The following ACSL6 variants were observed in gnomAD, a reference collection of about 807,000 sequenced individuals.
The protein encoded by ACSL6 is acyl-CoA synthetase long chain family member 6.
In ACSL6, 47 loss-of-function variants were observed where a neutral mutation model predicts 98.2. The ratio of observed to expected loss-of-function variants is 0.48; its 90% CI spans 0.38 to 0.61. ACSL6 has a LOEUF of 0.61. Ranked by LOEUF, ACSL6 falls within the 20% of genes least tolerant of loss-of-function variation. ACSL6 has a pLI of 0.00. For missense variants in ACSL6, 761 were observed against 913.4 expected, an observed-to-expected ratio of 0.83 and a Z score of 2.15; for synonymous variants, 362 against 336.9, an observed-to-expected ratio of 1.07 and a Z score of -0.82.
intron 9 of ACSL6, among the ~76,000 whole-genome samples, chr5:131,977,000 G>A (rs1427737060): frequency 6.6e-6 from 1 of 152,236 alleles, no homozygotes; most frequent in East Asian, 1.9e-4. Flanking sequence ...TCAACTGCTT[G>A]TGGTCTGTGC....
chr5:131,971,156 C>T (rs1170281629), intron 14 of ACSL6, among the ~76,000 whole-genome samples: 2 of 152,134 alleles, frequency 1.3e-5, no homozygotes, highest in South Asian at 4.1e-4. Flanking sequence ...GATCAAATAA[C>T]ACATAAATGG....
At chr5:131,975,876 C>A (rs1390882875) in intron 10 of ACSL6, 1 of 985,366 alleles carries the variant, frequency 1.0e-6, no homozygotes, top group Non-Finnish European at 1.2e-6. Context: ...ACCTTGGCTC[C>A]TGACCTGGGC....
chr5:131,966,853 T>C (rs1753041120), intron 16 of ACSL6, among the ~76,000 whole-genome samples: 1 of 152,238 alleles, frequency 6.6e-6, no homozygotes, highest in South Asian at 2.1e-4. Flanking sequence ...CAGATATTGA[T>C]GGCTGGCTGA....
chr5:131,994,286 C>T, intron 1 of ACSL6, 35 bp from the exon 2 acceptor site: 1 of 1,562,026 alleles, frequency 6.4e-7, no homozygotes, highest in Non-Finnish European at 8.7e-7. Context: ...GGCAAGAGAC[C>T]TGACGGGCAG....
At chr5:131,992,596 C>T (rs1019753159) in intron 2 of ACSL6, among the ~76,000 whole-genome samples, 1 of 152,206 alleles carries the variant, frequency 6.6e-6, no homozygotes, top group Non-Finnish European at 1.5e-5. Flanking sequence ...TACACACGAG[C>T]CAGGGTCATC....
chr5:132,009,813 G>A (rs1755613689), intron 1 of ACSL6, among the ~76,000 whole-genome samples: 1 of 152,160 alleles, frequency 6.6e-6, no homozygotes, highest in Admixed American at 6.5e-5. Context: ...CCCACAGGGT[G>A]AGGGACTTTT....
intron 12 of ACSL6, 78 bp from the exon 13 acceptor site, chr5:131,972,936 A>G: frequency 1.3e-6 from 2 of 1,596,244 alleles, no homozygotes; most frequent in South Asian, 2.2e-5. Flanking sequence ...AATAAGGCCC[A>G]GACTGGCCAG....
intron 9 of ACSL6, among the ~76,000 whole-genome samples, chr5:131,980,959 A>T (rs572919375): frequency 8.5e-5 from 13 of 152,066 alleles, no homozygotes; most frequent in African/African-American, 3.1e-4. Context: ...CTGTCAACAC[A>T]TGCCCCCTTT....
intron 10 of ACSL6, chr5:131,976,190 G>T: frequency 3.0e-6 from 3 of 985,408 alleles, no homozygotes; most frequent in Non-Finnish European, 3.6e-6. Context: ...TTACCTTTAA[G>T]TACAGCCTTA....
chr5:132,005,916 G>C (rs892489565), intron 1 of ACSL6, among the ~76,000 whole-genome samples: 1 of 152,210 alleles, frequency 6.6e-6, no homozygotes, highest in Non-Finnish European at 1.5e-5. Flanking sequence ...TTCTCCAATA[G>C]CTATCAATTA....
At chr5:132,000,364 G>A (rs1275993164) in intron 1 of ACSL6, among the ~76,000 whole-genome samples, 1 of 151,970 alleles carries the variant, frequency 6.6e-6, no homozygotes, top group Non-Finnish European at 1.5e-5. Flanking sequence ...TAGTTTGCAT[G>A]GGAATGGTCA....
intron 9 of ACSL6, 156 bp downstream of exon 9, chr5:131,985,251 T>C (rs1754112566): frequency 1.2e-6 from 1 of 862,006 alleles, no homozygotes; most frequent in Admixed American, 2.1e-5. Flanking sequence ...TGCAGGGCAC[T>C]GGGAGGTGCA....
intron 2 of ACSL6, among the ~76,000 whole-genome samples, chr5:131,991,855 C>A (rs1023937801): frequency 2.0e-5 from 3 of 152,322 alleles, no homozygotes; most frequent in East Asian, 3.9e-4. Flanking sequence ...AGCAAACAGC[C>A]GAACTCAAAA....
chr5:131,982,140 T>TC (rs1385040160), intron 9 of ACSL6: 1 of 116,524 alleles, frequency 8.6e-6, no homozygotes, highest in East Asian at 2.5e-4. Context: ...ACCAGTCTTT[T>TC]TTTTTTTTTT....
rs145479446 is a variant in ACSL6, at chr5:131,989,445, C to T, written c.514G>A (p.Asp172Asn). Residue 172 changes from aspartate to asparagine, a missense_variant, in exon 5 of 21, where the codon GAT becomes AAT. Transcript: ENST00000651883. ...TGTGCAAAAACACCAATAAACTGAT[C>T]AGTGCATGCTTTACAATTGTGCTGG... ...LLQHNCKACT[D>N]QFIGVFAQNR... 150 of 1,614,040 alleles carry T rather than the reference C, an allele frequency of 9.3e-5. No homozygotes were observed. The African/African-American group carries it at 1.9e-3, about 20-fold the overall frequency.
In ACSL6 at chr5:131,974,869, C is replaced by T. The variant is rs772613558; in HGVS notation, c.1068+24G>A. 59 of 1,613,870 alleles carry T rather than the reference C, an allele frequency of 3.7e-5. No individual in the cohort carries two copies. The Admixed American group carries it at 3.7e-4, about 10-fold the overall frequency. On this transcript the variant is annotated intron_variant, in intron 11 of 20. Transcript: ENST00000651883. ...AAAAAGAAGGAGCCCAGGCAAGGCC[C>T]GGTCAGTCAGGTGGGTGTCTTACCT...
At chr5:131,963,254 A>T (rs1478868337) in intron 17 of ACSL6, among the ~76,000 whole-genome samples, 1 of 152,106 alleles carries the variant, frequency 6.6e-6, no homozygotes, top group African/African-American at 2.4e-5. Flanking sequence ...CAGCAGGCAG[A>T]TCACCTCCTT....
chr5:131,980,486 A>G (rs1355105311), intron 9 of ACSL6, among the ~76,000 whole-genome samples: 2 of 152,206 alleles, frequency 1.3e-5, no homozygotes, highest in Non-Finnish European at 2.9e-5. Context: ...GGTCATGGTG[A>G]ACATTTTCCC....
upstream of ACSL6, chr5:132,011,917 G>A: frequency 1.9e-6 from 3 of 1,556,874 alleles, no homozygotes; most frequent in Non-Finnish European, 2.6e-6. This position sits in a 1 kb window ranked among gnomAD's most constrained non-coding sequence, Gnocchi z 5.4. Flanking sequence ...TCAGTACCTG[G>A]CATTCTGCGG....
Sources: gnomAD v4.1 joint callset for allele counts (sites outside exome capture counted in the v4.1 genomes callset) on GRCh38, gnomAD v4.1.1 for gene constraint, Gnocchi (gnomAD v3.1) non-coding constraint, MANE v1.5 for transcripts, NCBI Gene and HGNC (gene_info 2026-07-23, HGNC 2026-07-21) for gene names.